The following EYA2 variants were observed in gnomAD, a reference collection of about 807,000 sequenced individuals.
The protein encoded by EYA2 is protein phosphatase EYA2.
In EYA2, 31 loss-of-function variants were observed where a neutral mutation model predicts 69.2. The observed-to-expected ratio is 0.45, with a 90% confidence interval of 0.34 to 0.60. The LOEUF (loss-of-function observed/expected upper bound fraction) is 0.60. Among genes scored for constraint, EYA2 ranks in the 20% least tolerant of loss-of-function variants. The pLI, the probability that EYA2 is intolerant of heterozygous loss-of-function variation, is 0.02. For synonymous variants in EYA2, 257 were observed against 279.4 expected (o/e 0.92, Z 0.80); for missense variants, 622 against 701.2 (o/e 0.89, Z 1.28).
intron 1 of EYA2, among the ~76,000 whole-genome samples, chr20:46,940,639 T>C (rs1986115200): frequency 6.6e-6 from 1 of 152,166 alleles, no homozygotes; most frequent in African/African-American, 2.4e-5. Context: ...GTGGGCCTCT[T>C]GTCCCTGAGG....
At chr20:47,095,521 T>G (rs1443797944) in intron 8 of EYA2, among the ~76,000 whole-genome samples, 1 of 151,854 alleles carries the variant, frequency 6.6e-6, no homozygotes, top group Non-Finnish European at 1.5e-5. Flanking sequence ...AAGAAGACCA[T>G]ACCCAGATAT....
chr20:47,093,939 G>A (rs2146513321), intron 8 of EYA2, among the ~76,000 whole-genome samples: 1 of 152,264 alleles, frequency 6.6e-6, no homozygotes, highest in South Asian at 2.1e-4. Flanking sequence ...AGATCACATG[G>A]CTAAACTTGG....
At chr20:46,929,523 A>G (rs1427637138) in intron 1 of EYA2, among the ~76,000 whole-genome samples, 2 of 152,056 alleles carry the variant, frequency 1.3e-5, no homozygotes, top group East Asian at 3.9e-4. Context: ...CTCTGGCACT[A>G]TGAGGAGGTT....
At chr20:47,049,567 CTCTCTT>C (rs1049967042) in intron 5 of EYA2, among the ~76,000 whole-genome samples, 2 of 149,920 alleles carry the variant, frequency 1.3e-5, no homozygotes, top group Admixed American at 6.7e-5. Flanking sequence ...CCCTTTCCCT[CTCTCTT>C]GCTCTGTCTC....
chr20:47,003,774 AG>A (rs1398880075), intron 3 of EYA2, among the ~76,000 whole-genome samples: 1 of 152,202 alleles, frequency 6.6e-6, no homozygotes, highest in African/African-American at 2.4e-5. Flanking sequence ...GATGAATCCT[AG>A]TCCTGTGAGG....
chr20:47,095,860 A>G (rs1254767905), intron 8 of EYA2: 1 of 152,240 alleles, frequency 6.6e-6, no homozygotes, highest in Non-Finnish European at 1.5e-5. Flanking sequence ...GAAGAAAACC[A>G]AGGAAGAGAG....
At chr20:47,009,686 C>T (rs971697287) in intron 4 of EYA2, among the ~76,000 whole-genome samples, 13 of 152,172 alleles carry the variant, frequency 8.5e-5, no homozygotes, top group African/African-American at 2.9e-4. Context: ...TAGCAGACCA[C>T]ACAGTCTCTA....
At chr20:47,116,456 G>A (rs923776842) in intron 9 of EYA2, among the ~76,000 whole-genome samples, 14 of 152,122 alleles carry the variant, frequency 9.2e-5, no homozygotes, top group African/African-American at 3.4e-4. Flanking sequence ...GGGATCATAG[G>A]CATGAGCCAC....
rs544296475 is a variant in EYA2, at chr20:46,972,072, G to T, written c.-10-17929G>T. On this transcript the variant is annotated intron_variant, in intron 1 of 15. Transcript: ENST00000327619. Reference sequence around the variant, plus strand: ...GGGGGTGATTAGGGGGATGTAGGAAGAGTTTAACAATATGATCAAGAAAGG... The same window carrying T: ...GGGGGTGATTAGGGGGATGTAGGAATAGTTTAACAATATGATCAAGAAAGG... 2.6e-5 allele frequency among the ~76,000 whole-genome samples: 4 copies of T among 152,336 alleles called. No homozygotes were observed. In the South Asian group the frequency reaches 6.2e-4, roughly 24 times the overall value.
chr20:47,165,677 A>G (rs1215655338), intron 10 of EYA2, among the ~76,000 whole-genome samples: 1 of 152,124 alleles, frequency 6.6e-6, no homozygotes, highest in African/African-American at 2.4e-5. Flanking sequence ...GCCTGGGCCC[A>G]TGTGTGTCAA....
At chr20:46,963,138 G>A (rs1217014074) in intron 1 of EYA2, among the ~76,000 whole-genome samples, 1 of 152,168 alleles carries the variant, frequency 6.6e-6, no homozygotes, top group Non-Finnish European at 1.5e-5. Flanking sequence ...ACCCTGTATC[G>A]GCTCCTTCTG....
intron 4 of EYA2, among the ~76,000 whole-genome samples, chr20:47,009,115 G>GAA (rs1982903518): frequency 4.6e-5 from 7 of 152,062 alleles, no homozygotes; most frequent in Admixed American, 1.3e-4. Flanking sequence ...TCCTCACCAG[G>GAA]GCCCACCCCA....
At chr20:46,938,886 A>G (rs571121067) in intron 1 of EYA2, among the ~76,000 whole-genome samples, 1 of 152,212 alleles carries the variant, frequency 6.6e-6, no homozygotes, top group South Asian at 2.1e-4. Context: ...AATGATGAGG[A>G]CATTCTCCTA....
At chr20:46,964,898 C>A (rs1404507565) in intron 1 of EYA2, among the ~76,000 whole-genome samples, 1 of 152,218 alleles carries the variant, frequency 6.6e-6, no homozygotes, top group Non-Finnish European at 1.5e-5. Flanking sequence ...ACACTGAGTA[C>A]TCTCGTGAGG....
chr20:46,994,067 A>G (rs555834514), intron 2 of EYA2, among the ~76,000 whole-genome samples: 1 of 152,246 alleles, frequency 6.6e-6, no homozygotes, highest in East Asian at 1.9e-4. Context: ...GTGAAGGGGT[A>G]GGTGGATGAA....
chr20:46,902,178 C>T (rs1984146693), intron 1 of EYA2, among the ~76,000 whole-genome samples: 1 of 152,152 alleles, frequency 6.6e-6, no homozygotes. Context: ...ATTTTTCTAA[C>T]ACCTTGGGAC....
chr20:47,107,072 C>A (rs925412235), intron 9 of EYA2, among the ~76,000 whole-genome samples: 1 of 152,138 alleles, frequency 6.6e-6, no homozygotes. Context: ...TGTGCATTTT[C>A]TCATTTTATT....
Position 47,183,363 on chromosome 20 carries a change from G to A in EYA2, c.1508G>A (p.Gly503Asp). The change falls in exon 15 of 16, where the codon GGT becomes GAT. Residue 503 changes from glycine to aspartate, a missense_variant. Coordinates refer to ENST00000327619, the MANE Select transcript of EYA2 (RefSeq NM_005244.5). ...RKAVYVVIGD[G>D]VEEEQGAKKH... ...GCTGTCTACGTGGTGATCGGTGATG[G>A]TGTGGAAGAGGAGCAAGGAGCGAAA... 1 of 1,614,128 alleles carries A rather than the reference G, an allele frequency of 6.2e-7. No individual in the cohort carries two copies. The highest frequency in any genetic ancestry group is 8.5e-7 in the Non-Finnish European group (1 of 1,180,010).
chr20:47,065,502 GA>G lies in EYA2; in HGVS notation c.416-6674del, dbSNP rs984156788. Among the ~76,000 whole-genome samples the G allele has an allele frequency of 6.2e-3, 933 of 149,828 alleles. 8 individuals are homozygous for G. The highest frequency in any genetic ancestry group is 0.021 in the African/African-American group (842 of 40,878). The stretch of plus-strand genomic sequence containing the variant: ...CATGGGAGGTGGGGCAATTAGGGGA[GA>G]AAAAAAAATTATAAAAGAACCCTGG... On this transcript the variant is annotated intron_variant, in intron 5 of 15. Transcript: ENST00000327619.
Sources: allele counts gnomAD v4.1 joint callset (sites outside exome capture counted in the v4.1 genomes callset), GRCh38; gene constraint gnomAD v4.1.1; transcripts MANE v1.5; gene names NCBI Gene and HGNC (gene_info 2026-07-23, HGNC 2026-07-21).